FAM83A: variants seen among roughly 807,000 people sequenced by gnomAD.
FAM83A encodes protein FAM83A.
In FAM83A, 21 loss-of-function variants were observed where a neutral mutation model predicts 24.4. The ratio of observed to expected loss-of-function variants is 0.86; its 90% CI spans 0.61 to 1.24. The LOEUF (loss-of-function observed/expected upper bound fraction) is 1.24, where lower values mean the gene tolerates loss of function less well. Ranked by LOEUF, FAM83A falls within the 50% of genes most tolerant of loss-of-function variation. The pLI, the probability that FAM83A is intolerant of heterozygous loss-of-function variation, is 0.00. For missense variants in FAM83A, 617 were observed against 579.8 expected (o/e 1.06, Z -0.66); for synonymous variants, 270 against 252.4 (o/e 1.07, Z -0.66).
At chr8:123,206,447 G>C (rs1586790697) in intron 3 of FAM83A, among the ~76,000 whole-genome samples, 1 of 152,178 alleles carries the variant, frequency 6.6e-6, no homozygotes, top group East Asian at 1.9e-4. Context: ...GGCTTCCCAA[G>C]AGCAGCCGCC....
exon 4 of FAM83A, chr8:123,208,717 C>G: frequency 1.0e-6 from 1 of 985,518 alleles, no homozygotes; most frequent in Non-Finnish European, 1.2e-6. Context: ...CAGGAGGGGC[C>G]AGGCGTGGTG....
chr8:123,200,965 A>AT (rs1403724152), intron 3 of FAM83A, among the ~76,000 whole-genome samples: 34 of 138,176 alleles, frequency 2.5e-4, no homozygotes, highest in Non-Finnish European at 4.0e-4. Flanking sequence ...AACAAAAAAA[A>AT]AAAATATATA....
intron 3 of FAM83A, among the ~76,000 whole-genome samples, chr8:123,196,321 T>C (rs919403976): frequency 2.6e-5 from 4 of 152,222 alleles, no homozygotes; most frequent in Non-Finnish European, 2.9e-5. Context: ...CTCATTAAAG[T>C]TTTTAAAAGT....
intron 3 of FAM83A, among the ~76,000 whole-genome samples, chr8:123,206,889 G>A (rs578035365): frequency 1.3e-5 from 2 of 152,070 alleles, no homozygotes; most frequent in African/African-American, 2.4e-5. Context: ...TTGGGGCCTG[G>A]GCCGGCGAAG....
intron 1 of FAM83A, among the ~76,000 whole-genome samples, chr8:123,188,043 A>ATT (rs544198021): frequency 1.4e-5 from 2 of 145,544 alleles, no homozygotes; most frequent in East Asian, 2.0e-4. Context: ...TATTATTATT[A>ATT]TTTTTTTTTT....
intron 1 of FAM83A, among the ~76,000 whole-genome samples, chr8:123,188,785 C>T (rs573651218): frequency 6.6e-6 from 1 of 152,340 alleles, no homozygotes; most frequent in East Asian, 1.9e-4. Flanking sequence ...GCCTGGCCTT[C>T]AACCCACTAT....
chr8:123,193,473 G>A (rs763607238), intron 2 of FAM83A, among the ~76,000 whole-genome samples: 2 of 152,062 alleles, frequency 1.3e-5, no homozygotes, highest in Non-Finnish European at 2.9e-5. Flanking sequence ...GCCAGCTGAT[G>A]CCAGGACAGT....
chr8:123,181,955 G>A (rs1823608248), upstream of FAM83A: 1 of 448,400 alleles, frequency 2.2e-6, no homozygotes, highest in Admixed American at 2.4e-5. Context: ...GATCTGATCT[G>A]GAAAGAACAC....
chr8:123,194,739 T>C (rs1824091490), intron 3 of FAM83A, among the ~76,000 whole-genome samples: 1 of 152,196 alleles, frequency 6.6e-6, no homozygotes, highest in African/African-American at 2.4e-5. Flanking sequence ...CCATGTGGCC[T>C]CCCAAAGTGC....
At chr8:123,182,323 C>T (rs927183769), upstream of FAM83A, 3 of 356,118 alleles carry the variant, frequency 8.4e-6, no homozygotes, top group Non-Finnish European at 1.7e-5. Context: ...GGGGGCGCAT[C>T]TCAGGGATGG....
chr8:123,205,693 T>C (rs1485887930), intron 3 of FAM83A, among the ~76,000 whole-genome samples: 7 of 151,588 alleles, frequency 4.6e-5, no homozygotes, highest in Admixed American at 4.6e-4. Context: ...CCGACCATCC[T>C]CTCCCTCTTG....
Position 123,207,457 on chromosome 8 carries a change from C to G in FAM83A, c.1074C>G (p.Pro358=). ...CCGCGTCTTCAGGGCCCTGTAGCCC[C>G]GCGGCCCCACACCCGCCTCCACCGC... is the stretch of plus-strand genomic sequence containing the variant. Residue 358 remains proline (P), a synonymous_variant, in exon 4 of 4, where the codon CCC becomes CCG. Coordinates refer to ENST00000690554, the Ensembl canonical transcript of FAM83A. The G allele has an allele frequency of 1.9e-6, 3 of 1,594,030 alleles. No homozygotes were observed. The South Asian group carries it at 3.3e-5, about 18-fold the overall frequency.
intron 3 of FAM83A, among the ~76,000 whole-genome samples, chr8:123,198,580 ACTT>A (rs1402798553): frequency 1.3e-5 from 2 of 152,146 alleles, no homozygotes; most frequent in Non-Finnish European, 2.9e-5. Context: ...CCCAAGATAA[ACTT>A]CCCTTTAACA....
intron 1 of FAM83A, 90 bp downstream of exon 1, chr8:123,183,426 A>G (rs1380892186): frequency 3.3e-6 from 5 of 1,518,148 alleles, no homozygotes; most frequent in African/African-American, 2.8e-5. Context: ...TTTTGCTCCC[A>G]GGGCGAGAGT....
At chr8:123,194,232 A>G (rs1276250349) in intron 3 of FAM83A, 84 bp downstream of exon 3, 4 of 1,564,882 alleles carry the variant, frequency 2.6e-6, no homozygotes, top group Non-Finnish European at 3.5e-6. Context: ...CTGCTCAGAC[A>G]CAAACACCCC....
At chr8:123,205,512 G>A (rs1365305882) in intron 3 of FAM83A, among the ~76,000 whole-genome samples, 1 of 152,208 alleles carries the variant, frequency 6.6e-6, no homozygotes, top group Admixed American at 6.5e-5. Flanking sequence ...GATTATCCGA[G>A]CCTTGTGCGG....
At chr8:123,207,560 C>A in exon 4 of FAM83A, 1 of 1,544,664 alleles carries the variant, frequency 6.5e-7, no homozygotes. Context: ...CCACGACGGC[C>A]CGCCCGCCGC....
At chr8:123,181,425 G>A (rs76010286), upstream of FAM83A, among the ~76,000 whole-genome samples, 2,455 of 152,240 alleles carry the variant, frequency 0.016, 24 homozygotes, top group Middle Eastern at 0.024. Flanking sequence ...ATTTCTTGGT[G>A]TCGTCCCTGA....
intron 1 of FAM83A, among the ~76,000 whole-genome samples, chr8:123,185,389 T>C (rs1025863243): frequency 6.6e-6 from 1 of 152,176 alleles, no homozygotes; most frequent in South Asian, 2.1e-4. Flanking sequence ...GAAGGAAGCC[T>C]GGTTAGGGCT....
Sources: gnomAD v4.1 joint callset for allele counts (sites outside exome capture counted in the v4.1 genomes callset) on GRCh38, gnomAD v4.1.1 for gene constraint, MANE v1.5 for transcripts, NCBI Gene and HGNC (gene_info 2026-07-23, HGNC 2026-07-21) for gene names.